Variants in HDGFL2 observed in about 807,000 individuals in gnomAD.
HDGFL2 encodes hepatoma-derived growth factor-related protein 2.
Under a neutral mutation model 77.1 loss-of-function variants are expected in HDGFL2, and 36 were observed. The ratio of observed to expected loss-of-function variants is 0.47; its 90% CI spans 0.36 to 0.62. The LOEUF (loss-of-function observed/expected upper bound fraction) is 0.62, where lower values mean the gene tolerates loss of function less well. Ranked by LOEUF, HDGFL2 falls within the 20% of genes least tolerant of loss-of-function variation. HDGFL2 has a pLI of 0.00. For missense variants in HDGFL2, 976 were observed against 973.4 expected (o/e 1.00, Z -0.04); for synonymous variants, 463 against 413.1 (o/e 1.12, Z -1.46).
At chr19:4,501,596 A>C (rs983769212) in intron 15 of HDGFL2, 15 of 473,928 alleles carry the variant, frequency 3.2e-5, no homozygotes, top group Non-Finnish European at 5.2e-5. Flanking sequence ...CCAGGTAGGT[A>C]GGCCCCGAGC....
intron 3 of HDGFL2, among the ~76,000 whole-genome samples, chr19:4,487,766 T>G (rs1975399805): frequency 6.6e-6 from 1 of 152,130 alleles, no homozygotes; most frequent in Non-Finnish European, 1.5e-5. Flanking sequence ...GTTGGCTCAG[T>G]GTGTGACCCG....
intron 6 of HDGFL2, 124 bp downstream of exon 6, chr19:4,491,959 G>C: frequency 1.2e-6 from 1 of 848,436 alleles, no homozygotes. Context: ...CAGGGTACCC[G>C]AGGGGACCGC....
Position 4,488,515 on chromosome 19 carries a change from C to T in HDGFL2, c.289-161C>T, listed in dbSNP as rs116278110. Among the ~76,000 whole-genome samples, 1,155 of 152,286 alleles carry T rather than the reference C, an allele frequency of 7.6e-3. 14 individuals are homozygous for T. The highest frequency in any genetic ancestry group is 0.026 in the African/African-American group (1,100 of 41,558). On this transcript the variant is annotated intron_variant, in intron 3 of 15. Transcript: ENST00000616600. ...ATCTCACTCTCCTGCCTTCGTTCTT[C>T]GGCTCTTCTGGGCCTCGGTTTCCCC... is the stretch of plus-strand genomic sequence containing the variant.
intron 10 of HDGFL2, chr19:4,497,300 C>T (rs1568216709): frequency 3.2e-5 from 12 of 376,402 alleles, no homozygotes; most frequent in Middle Eastern, 9.3e-4. Flanking sequence ...TGGGTTCAAG[C>T]GATTTTCCTA....
intron 3 of HDGFL2, among the ~76,000 whole-genome samples, chr19:4,479,249 G>A (rs1431119419): frequency 6.6e-6 from 1 of 150,926 alleles, no homozygotes; most frequent in South Asian, 2.1e-4. Flanking sequence ...AGGATGTCAA[G>A]ATCAGACTGG....
At chr19:4,472,460 G>A (rs764392402) in intron 1 of HDGFL2, 38 bp downstream of exon 1, 7 of 428,700 alleles carry the variant, frequency 1.6e-5, no homozygotes, top group Admixed American at 4.5e-5. Flanking sequence ...TGGGGGGGGG[G>A]GGGGGGGCAG....
At chr19:4,478,049 C>T (rs1484320174) in intron 3 of HDGFL2, among the ~76,000 whole-genome samples, 1 of 144,256 alleles carries the variant, frequency 6.9e-6, no homozygotes, top group Non-Finnish European at 1.5e-5. Context: ...CACTGTACTC[C>T]AGCCTGGGCA....
At chr19:4,472,542 G>A (rs1226061570) in intron 1 of HDGFL2, 120 bp downstream of exon 1, 3 of 608,906 alleles carry the variant, frequency 4.9e-6, no homozygotes, top group Non-Finnish European at 4.8e-6. Flanking sequence ...TGCGCCCCGG[G>A]GGTCTGGGGT....
chr19:4,496,967 G>C (rs564724467), intron 10 of HDGFL2: 1 of 381,960 alleles, frequency 2.6e-6, no homozygotes, highest in East Asian at 7.5e-5. Context: ...TCCGCCTCCC[G>C]GGTTCAAGCG....
chr19:4,488,760 G>C lies in HDGFL2; in HGVS notation c.373G>C (p.Val125Leu). The change falls in exon 4 of 16, where the codon GTC becomes CTC. Residue 125 changes from valine (V) to leucine (L), a missense_variant. Physicochemically the swap from Val to Leu is conservative, Grantham distance 32 (BLOSUM62 1). Coordinates refer to ENST00000616600, the MANE Select transcript of HDGFL2 (RefSeq NM_001001520.3). The stretch of plus-strand genomic sequence containing the variant: ...TGACGAGGACGATGAGGACCGGGGG[G>C]TCATGGCCGTCACAGCGGTAACCGC... ...DADEDDEDRG[V>L]MAVTAVTATA... 6.4e-7 allele frequency: 1 copy of C among 1,552,742 alleles called. No individual in the cohort carries two copies. The highest frequency in any genetic ancestry group is 8.7e-7 in the Non-Finnish European group (1 of 1,147,726).
intron 4 of HDGFL2, among the ~76,000 whole-genome samples, 174 bp from the exon 5 acceptor site, chr19:4,491,392 G>A (rs1975508172): frequency 6.6e-6 from 1 of 151,278 alleles, no homozygotes; most frequent in Non-Finnish European, 1.5e-5. Context: ...CTTTCACCAA[G>A]CATAATGTCC....
chr19:4,500,746 C>T (rs1321420529), intron 14 of HDGFL2, among the ~76,000 whole-genome samples: 2 of 152,096 alleles, frequency 1.3e-5, no homozygotes, highest in African/African-American at 2.4e-5. Flanking sequence ...CAGGCGTGAG[C>T]CACTGCGCCC....
chr19:4,485,741 CAA>C (rs757419803), intron 3 of HDGFL2, among the ~76,000 whole-genome samples: 4 of 129,582 alleles, frequency 3.1e-5, no homozygotes, highest in African/African-American at 2.9e-5. Flanking sequence ...GACTCCGTCT[CAA>C]AAAAAAAAAA....
chr19:4,488,026 A>G (rs935254178), intron 3 of HDGFL2, among the ~76,000 whole-genome samples: 2 of 151,628 alleles, frequency 1.3e-5, no homozygotes, highest in African/African-American at 4.8e-5. Flanking sequence ...GCTGGAGTGC[A>G]GTGGCGTGAT....
At position 4,488,061 on chromosome 19, in the gene HDGFL2, C is replaced by T. The variant is rs150071600; in HGVS notation, c.289-615C>T. On this transcript the variant is annotated intron_variant, in intron 3 of 15. Transcript: ENST00000616600. ...TCTCGGCTCACTGCAACCTCCACCTCGTGGGTTCAAGTGATTCTCCTGCCT... is the reference window on the plus strand; with the variant it reads ...TCTCGGCTCACTGCAACCTCCACCTTGTGGGTTCAAGTGATTCTCCTGCCT... Among the ~76,000 whole-genome samples the T allele has an allele frequency of 4.6e-5, 7 of 152,212 alleles. No individual in the cohort carries two copies. The South Asian group carries it at 1.0e-3, about 23-fold the overall frequency.
intron 9 of HDGFL2, 110 bp from the exon 10 acceptor site, chr19:4,496,192 T>G: frequency 1.2e-6 from 1 of 851,670 alleles, no homozygotes; most frequent in Non-Finnish European, 1.9e-6. Flanking sequence ...TCAAACAGTG[T>G]GGAGGGCGAC....
intron 6 of HDGFL2, among the ~76,000 whole-genome samples, chr19:4,493,282 C>CTGTGTGTGGTGTGTGTGTGGTG (rs371483352): frequency 3.4e-5 from 4 of 118,406 alleles, no homozygotes; most frequent in African/African-American, 1.3e-4. Flanking sequence ...TGTGTGTTGT[C>CTGTGTGTGGTGTGTGTGTGGTG]TGTGTGTGGT....
At chr19:4,494,658 G>T (rs1031356517) in intron 9 of HDGFL2, among the ~76,000 whole-genome samples, 183 bp downstream of exon 9, 52 of 152,318 alleles carry the variant, frequency 3.4e-4, no homozygotes, top group African/African-American at 1.2e-3. Context: ...GGTGGCTCAC[G>T]CCTGTTATCC....
Position 4,491,811 on chromosome 19 carries a change from C to A in HDGFL2, c.654C>A (p.Gly218=). 6.2e-7 allele frequency: 1 copy of A among 1,613,932 alleles called. No homozygotes were observed. The highest frequency in any genetic ancestry group is 1.7e-5 in the Admixed American group (1 of 60,014). The change falls in exon 6 of 16, where the codon GGC becomes GGA. Residue 218 remains glycine (G), a synonymous_variant. Coordinates refer to ENST00000616600, the MANE Select transcript of HDGFL2 (RefSeq NM_001001520.3). ...KKAAVRAPRR[G]PLGGRKKKKA... The stretch of plus-strand genomic sequence containing the variant: ...CAGCGGTCCGGGCGCCACGGAGGGG[C>A]CCTCTGGGGGGACGGAAAAAAAAGG...
Sources: allele counts gnomAD v4.1 joint callset (sites outside exome capture counted in the v4.1 genomes callset), GRCh38; gene constraint gnomAD v4.1.1; transcripts MANE v1.5; gene names NCBI Gene and HGNC (gene_info 2026-07-23, HGNC 2026-07-21).